The following SYNE1 variants were observed in gnomAD, a reference collection of about 807,000 sequenced individuals.
SYNE1 encodes nesprin-1.
Under a neutral mutation model 1,111.0 loss-of-function variants are expected in SYNE1, and 616 were observed. The ratio of observed to expected loss-of-function variants is 0.55; its 90% CI spans 0.52 to 0.59. The LOEUF is 0.59. SYNE1 is among the 20% of genes least tolerant of loss of function. The pLI, the probability that SYNE1 is intolerant of heterozygous loss-of-function variation, is 0.00. For synonymous variants in SYNE1, 3,855 were observed against 3,825.8 expected (o/e 1.01, Z -0.28); for missense variants, 10,006 against 10,417.0 (o/e 0.96, Z 1.72).
At chr6:152,229,722 A>C (rs1020117662) in intron 115 of SYNE1, among the ~76,000 whole-genome samples, 3 of 152,178 alleles carry the variant, frequency 2.0e-5, no homozygotes, top group African/African-American at 7.2e-5. Context: ...CTTCTGCGAC[A>C]GGTTATGGTC....
intron 136 of SYNE1, among the ~76,000 whole-genome samples, 162 bp downstream of exon 136, chr6:152,149,315 G>C (rs1436134154): frequency 6.6e-6 from 1 of 152,160 alleles, no homozygotes; most frequent in Non-Finnish European, 1.5e-5. Flanking sequence ...GAAGTGAGTA[G>C]CTTGCCGAAG....
intron 2 of SYNE1, among the ~76,000 whole-genome samples, chr6:152,636,245 C>T (rs1200983834): frequency 6.6e-6 from 1 of 152,056 alleles, no homozygotes; most frequent in Non-Finnish European, 1.5e-5. Context: ...GGAAGGGAGG[C>T]TCCTAGAATC....
intron 137 of SYNE1, 105 bp downstream of exon 137, chr6:152,147,940 G>C: frequency 1.9e-6 from 2 of 1,047,872 alleles, no homozygotes; most frequent in Non-Finnish European, 1.4e-6. Context: ...TTCCCCGCAT[G>C]AAAGAAGGAA....
intron 4 of SYNE1, among the ~76,000 whole-genome samples, 200 bp from the exon 5 acceptor site, chr6:152,526,375 C>T (rs369029566): frequency 4.7e-4 from 71 of 152,210 alleles, no homozygotes; most frequent in African/African-American, 1.4e-3. Flanking sequence ...AGATAAAACT[C>T]GATATTCAAA....
At position 152,234,066 on chromosome 6, in the gene SYNE1, G is replaced by C; in HGVS notation, c.20530-103C>G. ...ATGAAACAATTTCCTTTACATCCTG[G>C]AGGGGGTTATGCTGAACACTCAAAA... On this transcript the variant is annotated intron_variant, in intron 111 of 145. Coordinates refer to ENST00000367255, the MANE Select transcript of SYNE1 (RefSeq NM_182961.4). The C allele has an allele frequency of 4.1e-6, 5 of 1,222,880 alleles. No homozygotes were observed. The East Asian group carries it at 1.3e-4, about 31-fold the overall frequency. The allele number at this position is 1,222,880 out of a possible 1,614,324, so 75.8% of individuals were successfully genotyped here. A position where few individuals can be genotyped will look rare whatever the true frequency, so the allele number is the denominator to read the frequency against.
At position 152,214,949 on chromosome 6, in the gene SYNE1, G is replaced by C. The variant is rs371642308; in HGVS notation, c.22303C>G (p.Arg7435Gly). 1 of 1,614,090 alleles carries C rather than the reference G, an allele frequency of 6.2e-7. No individual in the cohort carries two copies. The highest frequency in any genetic ancestry group is 1.1e-5 in the South Asian group (1 of 91,084). The change falls in exon 122 of 146, where the codon CGC (arginine) becomes GGC (glycine). Residue 7435 changes from arginine to glycine, a missense_variant. Arg to Gly is a moderately radical substitution (Grantham distance 125). This residue lies in a region of SYNE1 where 2,182 missense variants were observed against 2,287.8 expected (regional missense o/e 0.95). Transcript: ENST00000367255. ...KEIKRMQNLNRHWSLISSQTT... is the reference protein window; with the variant it reads ...KEIKRMQNLNGHWSLISSQTT... ...TGAGAGGAGATCAGAGACCAATGGC[G>C]GTTCAGATTCTGCATTCTTTTGATT...
At chr6:152,286,892 T>C (rs2094357511) in intron 95 of SYNE1, among the ~76,000 whole-genome samples, 1 of 152,230 alleles carries the variant, frequency 6.6e-6, no homozygotes, top group Admixed American at 6.5e-5. Flanking sequence ...TAGGAAATCT[T>C]TTGCCTAATC....
intron 32 of SYNE1, 65 bp from the exon 33 acceptor site, chr6:152,436,166 G>A (rs1283708728): frequency 8.3e-6 from 13 of 1,558,818 alleles, no homozygotes; most frequent in Non-Finnish European, 1.1e-5. Context: ...CTCAAATAAA[G>A]TGCACATATT....
intron 63 of SYNE1, chr6:152,363,869 C>A: frequency 2.4e-6 from 1 of 410,588 alleles, no homozygotes; most frequent in Non-Finnish European, 4.9e-6. Flanking sequence ...CTGGGGCTCA[C>A]ACTGTATACC....
At chr6:152,483,751 A>G (rs1426586971) in intron 13 of SYNE1, among the ~76,000 whole-genome samples, 3 of 152,126 alleles carry the variant, frequency 2.0e-5, no homozygotes, top group African/African-American at 7.2e-5. Flanking sequence ...GATTCTTTCT[A>G]TAATCCTATG....
chr6:152,486,149 C>T (rs2098938527), intron 12 of SYNE1, among the ~76,000 whole-genome samples: 1 of 151,828 alleles, frequency 6.6e-6, no homozygotes, highest in African/African-American at 2.4e-5. Context: ...GAGCTGAGAT[C>T]ACGATCATGC....
chr6:152,564,716 T>G (rs1452670210), intron 3 of SYNE1, among the ~76,000 whole-genome samples: 3 of 152,120 alleles, frequency 2.0e-5, no homozygotes, highest in African/African-American at 7.2e-5. Flanking sequence ...AAAATCAAAC[T>G]CACTCTTCAG....
rs2096317435 is a variant in SYNE1 at position 152,334,065 on chromosome 6, A to T, written c.12737T>A (p.Met4246Lys). Reference protein sequence around the residue: ...LQRTRDYHDCMNVVEVFLEKF... With the variant: ...LQRTRDYHDCKNVVEVFLEKF... ...TTCTAGGAACACTTCAACAACATTC[A>T]TACAGTCATGGTAATCTCTTGTTCT... Residue 4246 changes from methionine (M) to lysine (K), a missense_variant, in exon 77 of 146, where the codon ATG becomes AAG. Coordinates refer to ENST00000367255, the MANE Select transcript of SYNE1 (RefSeq NM_182961.4). 1 of 1,614,076 alleles carries T rather than the reference A, an allele frequency of 6.2e-7. No individual in the cohort carries two copies. The highest frequency in any genetic ancestry group is 1.1e-5 in the South Asian group (1 of 91,084).
At chr6:152,283,067 C>T (rs2094126552) in intron 96 of SYNE1, among the ~76,000 whole-genome samples, 1 of 152,090 alleles carries the variant, frequency 6.6e-6, no homozygotes, top group Non-Finnish European at 1.5e-5. Context: ...AGGGAGCCTC[C>T]AGTCTAACCA....
intron 3 of SYNE1, among the ~76,000 whole-genome samples, chr6:152,592,973 G>T (rs1045121387): frequency 2.0e-5 from 3 of 152,152 alleles, no homozygotes; most frequent in African/African-American, 7.2e-5. Flanking sequence ...CCTGGGGTGG[G>T]CTCTGACCAC....
At chr6:152,266,141 A>C (rs1194054567) in intron 100 of SYNE1, among the ~76,000 whole-genome samples, 1 of 152,184 alleles carries the variant, frequency 6.6e-6, no homozygotes, top group African/African-American at 2.4e-5. Context: ...AGTGGATCTT[A>C]TATAGAAAGC....
chr6:152,509,107 C>A (rs960537977), intron 8 of SYNE1, among the ~76,000 whole-genome samples: 8 of 151,980 alleles, frequency 5.3e-5, no homozygotes, highest in Non-Finnish European at 1.0e-4. Context: ...TTAGGAAAAT[C>A]AAACAAAAGC....
chr6:152,500,204 G>GT (rs1358203153), intron 10 of SYNE1, among the ~76,000 whole-genome samples: 1 of 152,176 alleles, frequency 6.6e-6, no homozygotes, highest in African/African-American at 2.4e-5. Context: ...GCTATATGAG[G>GT]TAAGTCTAAT....
intron 6 of SYNE1, among the ~76,000 whole-genome samples, chr6:152,516,115 G>C (rs1009256871): frequency 1.3e-5 from 2 of 152,028 alleles, no homozygotes; most frequent in Admixed American, 1.3e-4. Flanking sequence ...ATAATAAGTG[G>C]GAGGGCACTA....
Sources: gnomAD v4.1 joint callset for allele counts (sites outside exome capture counted in the v4.1 genomes callset) on GRCh38, gnomAD v4.1.1 for gene constraint, gnomAD v4.1.1 regional missense constraint, MANE v1.5 for transcripts, NCBI Gene and HGNC (gene_info 2026-07-23, HGNC 2026-07-21) for gene names.